DNAH14: variants seen among roughly 807,000 people sequenced by gnomAD.
DNAH14 encodes the protein dynein axonemal heavy chain 14, also known as axonemal beta dynein heavy chain 14.
DNAH14 carries 478 observed loss-of-function variants against 520.9 expected under a neutral mutation model. That is an observed-to-expected ratio of 0.92 (90% CI 0.85 to 0.99). The LOEUF (loss-of-function observed/expected upper bound fraction) is 0.99, where lower values mean the gene tolerates loss of function less well. Ranked by LOEUF, DNAH14 falls within the 50% of genes least tolerant of loss-of-function variation. The probability of loss-of-function intolerance (pLI) is 0.00; values close to 1 mark genes in which losing one functional copy is unlikely to be tolerated. For synonymous variants in DNAH14, 1,581 were observed against 1,757.2 expected, an observed-to-expected ratio of 0.90 and a Z score of 2.51; for missense variants, 4,831 against 5,234.5, an observed-to-expected ratio of 0.92 and a Z score of 2.38.
Position 225,308,426 on chromosome 1 carries a change from T to C in DNAH14, c.9240+16T>C. 1 of 1,504,112 alleles carries C rather than the reference T, an allele frequency of 6.6e-7. No individual in the cohort carries two copies. The highest frequency in any genetic ancestry group is 8.8e-7 in the Non-Finnish European group (1 of 1,132,414). The allele number at this position is 1,504,112 out of a possible 1,614,324, so 93.2% of individuals were successfully genotyped here. ...TTATGCTCAGGTAAAATTAAAATATTGTCAATAAAAATAATTTGGAGATTT... is the reference window on the plus strand; with the variant it reads ...TTATGCTCAGGTAAAATTAAAATATCGTCAATAAAAATAATTTGGAGATTT... On this transcript the variant is annotated intron_variant, in intron 60 of 85. Transcript: ENST00000682510.
intron 32 of DNAH14, 140 bp from the exon 33 acceptor site, chr1:225,152,557 A>G (rs1261913130): frequency 1.2e-6 from 1 of 841,554 alleles, no homozygotes; most frequent in Non-Finnish European, 1.8e-6. Flanking sequence ...AAGGTACAAT[A>G]AAAACTATCT....
Position 225,023,821 on chromosome 1 carries a change from T to G in DNAH14, c.1314T>G (p.Ala438=), listed in dbSNP as rs1287792981. 1 of 1,543,348 alleles carries G rather than the reference T, an allele frequency of 6.5e-7. No homozygotes were observed. The highest frequency in any genetic ancestry group is 8.7e-7 in the Non-Finnish European group (1 of 1,143,198). ...TLLLELFNGS[A]GMPFSVEKKN... is the part of the protein sequence containing the mutation. ...TTTTGGAATTATTTAATGGTTCTGCTGGAATGCCATTTTCAGTGGAAAAAA... is the reference window on the plus strand; with the variant it reads ...TTTTGGAATTATTTAATGGTTCTGCGGGAATGCCATTTTCAGTGGAAAAAA... Residue 438 remains alanine, a synonymous_variant, in exon 11 of 86, where the codon GCT becomes GCG. Transcript: ENST00000682510.
chr1:225,134,426 T>G (rs1244624863), intron 27 of DNAH14, among the ~76,000 whole-genome samples: 1 of 152,234 alleles, frequency 6.6e-6, no homozygotes, highest in Non-Finnish European at 1.5e-5. Context: ...TTGAGAGTTT[T>G]TAACATGAAG....
chr1:225,145,120 AT>A (rs2149049315), intron 29 of DNAH14, among the ~76,000 whole-genome samples: 1 of 152,358 alleles, frequency 6.6e-6, no homozygotes, highest in South Asian at 2.1e-4. Flanking sequence ...TTAATGCTCT[AT>A]AAACTAATCA....
chr1:225,379,110 G>A (rs958624736), intron 79 of DNAH14, among the ~76,000 whole-genome samples: 17 of 152,036 alleles, frequency 1.1e-4, no homozygotes, highest in Middle Eastern at 3.2e-3. Flanking sequence ...GCCTGGACAC[G>A]CGCTCCTCCT....
At chr1:225,182,059 C>T (rs996742802) in intron 36 of DNAH14, among the ~76,000 whole-genome samples, 27 of 152,158 alleles carry the variant, frequency 1.8e-4, no homozygotes, top group African/African-American at 5.8e-4. Flanking sequence ...ATTAGCTGGG[C>T]ATGATGGCAT....
chr1:225,208,092 T>C (rs1025645837), intron 41 of DNAH14, among the ~76,000 whole-genome samples: 1 of 152,074 alleles, frequency 6.6e-6, no homozygotes, highest in African/African-American at 2.4e-5. Flanking sequence ...ACCAAGATGA[T>C]TAAAAAAGAG....
chr1:225,066,830 G>C (rs1256369440), intron 17 of DNAH14, among the ~76,000 whole-genome samples: 1 of 152,036 alleles, frequency 6.6e-6, no homozygotes, highest in East Asian at 1.9e-4. Context: ...ACATTATTTT[G>C]CTGCTTTTTA....
At chr1:225,062,774 C>T (rs923227867) in intron 17 of DNAH14, among the ~76,000 whole-genome samples, 1 of 152,058 alleles carries the variant, frequency 6.6e-6, no homozygotes, top group Non-Finnish European at 1.5e-5. Flanking sequence ...GCTAACTATC[C>T]CTAAAGGAAA....
At chr1:225,136,742 C>T (rs935902435) in intron 27 of DNAH14, among the ~76,000 whole-genome samples, 3 of 152,120 alleles carry the variant, frequency 2.0e-5, no homozygotes, top group Non-Finnish European at 2.9e-5. Context: ...TGCTGAAGTA[C>T]GTTTTCCAAC....
chr1:225,117,353 G>C, intron 23 of DNAH14, among the ~76,000 whole-genome samples: 1 of 150,804 alleles, frequency 6.6e-6, no homozygotes, highest in Non-Finnish European at 1.5e-5. Context: ...TTATTATTTT[G>C]ATCAATAATA....
chr1:225,029,422 G>T (rs181126960), intron 11 of DNAH14, among the ~76,000 whole-genome samples: 1 of 151,942 alleles, frequency 6.6e-6, no homozygotes, highest in Non-Finnish European at 1.5e-5. Context: ...AATTTTACTG[G>T]ATATAAATTA....
chr1:225,398,345 T>A (rs191504506), intron 84 of DNAH14, among the ~76,000 whole-genome samples, 175 bp from the exon 85 acceptor site: 1 of 152,362 alleles, frequency 6.6e-6, no homozygotes, highest in African/African-American at 2.4e-5. Context: ...TAAGCCTATG[T>A]CGTTTTTAAA....
At position 225,292,725 on chromosome 1, in the gene DNAH14, A is replaced by G. The variant is rs191820394; in HGVS notation, c.8469+2643A>G. Reference sequence around the variant, plus strand: ...TTAACAATATTAGTTTTTTTGATTCATGAACATGGGATGTCTTTCCATTTG... The same window carrying G: ...TTAACAATATTAGTTTTTTTGATTCGTGAACATGGGATGTCTTTCCATTTG... On this transcript the variant is annotated intron_variant, in intron 55 of 85. Coordinates refer to ENST00000682510, the MANE Select transcript of DNAH14 (RefSeq NM_001367479.1). 3.9e-4 allele frequency among the ~76,000 whole-genome samples: 60 copies of G among 152,192 alleles called. 1 individual carries two copies. Among genetic ancestry groups the G allele is most frequent in the African/African-American group, 1.4e-3 (57 of 41,556 alleles).
In DNAH14 at chr1:225,266,400, G is replaced by A. The variant is rs191031723; in HGVS notation, c.7411-241G>A. Among the ~76,000 whole-genome samples the A allele has an allele frequency of 3.6e-4, 55 of 152,200 alleles. 1 individual carries two copies. Among genetic ancestry groups the A allele is most frequent in the Admixed American group, 3.0e-3 (46 of 15,284 alleles). On this transcript the variant is annotated intron_variant, in intron 48 of 85. Coordinates refer to ENST00000682510, the MANE Select transcript of DNAH14 (RefSeq NM_001367479.1). ...CAGACATAATTATTATAGATCTATA[G>A]AAGGTGAATAGAGTGTCTGCTATTT...
intron 23 of DNAH14, among the ~76,000 whole-genome samples, chr1:225,105,322 G>T (rs570198788): frequency 6.6e-5 from 10 of 152,194 alleles, no homozygotes; most frequent in African/African-American, 1.2e-4. Flanking sequence ...GGTCAATTTT[G>T]GAATAAGTGC....
rs2095457830 is a variant in DNAH14 at position 225,358,582 on chromosome 1, T to C, written c.11706T>C (p.Thr3902=). 1.3e-6 allele frequency: 2 copies of C among 1,549,434 alleles called. No homozygotes were observed. Among genetic ancestry groups the C allele is most frequent in the East Asian group, 2.4e-5 (1 of 40,862 alleles). The change falls in exon 74 of 86, where the codon ACT becomes ACC. Residue 3902 remains threonine (T), a synonymous_variant. Transcript: ENST00000682510. ...TGGGAAATAAGTATCTTCAAAGAACTGGAGTTAATTTGAAAGATGCATATA... is the reference window on the plus strand; with the variant it reads ...TGGGAAATAAGTATCTTCAAAGAACCGGAGTTAATTTGAAAGATGCATATA... ...EKMGNKYLQR[T]GVNLKDAYKG... is the part of the protein sequence containing the mutation.
At chr1:225,249,651 AT>A (rs1454343469) in intron 43 of DNAH14, among the ~76,000 whole-genome samples, 3 of 152,182 alleles carry the variant, frequency 2.0e-5, no homozygotes, top group African/African-American at 4.8e-5. Context: ...TGTATCAATG[AT>A]TTTTTAGTAA....
chr1:224,986,616 A>G (rs1273995705), intron 8 of DNAH14, among the ~76,000 whole-genome samples: 1 of 152,210 alleles, frequency 6.6e-6, no homozygotes, highest in Non-Finnish European at 1.5e-5. Context: ...GGATTTGATA[A>G]AATCCAACAT....
Sources: gnomAD v4.1 joint callset for allele counts (sites outside exome capture counted in the v4.1 genomes callset) on GRCh38, gnomAD v4.1.1 for gene constraint, MANE v1.5 for transcripts, NCBI Gene and HGNC (gene_info 2026-07-23, HGNC 2026-07-21) for gene names.